DOK5: variants seen among roughly 807,000 people sequenced by gnomAD.
The protein encoded by DOK5 is downstream of tyrosine kinase 5.
A neutral mutation model predicts 43.3 loss-of-function variants in DOK5; 27 were observed. The observed-to-expected ratio is 0.62, with a 90% CI of 0.46 to 0.86. The LOEUF is 0.86. Among genes scored for constraint, DOK5 ranks in the 40% least tolerant of loss-of-function variants. The pLI is 0.00. For synonymous variants in DOK5, 146 were observed against 140.1 expected, an observed-to-expected ratio of 1.04 and a Z score of -0.30; for missense variants, 373 against 392.9, an observed-to-expected ratio of 0.95 and a Z score of 0.43.
At chr20:54,497,816 A>G (rs1568755014) in intron 1 of DOK5, among the ~76,000 whole-genome samples, 1 of 152,078 alleles carries the variant, frequency 6.6e-6, no homozygotes, top group Non-Finnish European at 1.5e-5. Context: ...TTTTGTATTT[A>G]TTTATCTGCT....
At chr20:54,591,568 A>G (rs781058215) in intron 4 of DOK5, 48 bp from the exon 5 acceptor site, 2 of 1,401,170 alleles carry the variant, frequency 1.4e-6, no homozygotes, top group East Asian at 4.9e-5. Flanking sequence ...AATGTCTTTG[A>G]TGTTTTATTC....
chr20:54,483,727 TTG>T (rs1981818910), intron 1 of DOK5, among the ~76,000 whole-genome samples: 1 of 152,154 alleles, frequency 6.6e-6, no homozygotes, highest in Admixed American at 6.5e-5. Context: ...CAAAATAAAA[TTG>T]TGAGTTTAGA....
chr20:54,560,741 C>T (rs1290267059), intron 2 of DOK5, among the ~76,000 whole-genome samples: 2 of 152,198 alleles, frequency 1.3e-5, no homozygotes, highest in Non-Finnish European at 2.9e-5. Flanking sequence ...CTGCTTCAGC[C>T]TCCCAAGTAG....
chr20:54,515,004 T>C (rs1348616616), intron 1 of DOK5, among the ~76,000 whole-genome samples: 2 of 152,010 alleles, frequency 1.3e-5, no homozygotes, highest in Non-Finnish European at 2.9e-5. Flanking sequence ...CTCTGAGATA[T>C]GTATTAGTTA....
chr20:54,568,981 C>T (rs951818687), intron 2 of DOK5, among the ~76,000 whole-genome samples: 1 of 57,218 alleles, frequency 1.7e-5, no homozygotes, highest in Non-Finnish European at 3.4e-5. Context: ...TGGACTAAAA[C>T]GCAAAAAAAA....
chr20:54,617,702 G>T (rs1986858684), intron 6 of DOK5, among the ~76,000 whole-genome samples: 1 of 152,220 alleles, frequency 6.6e-6, no homozygotes. Context: ...CCCACCAGGA[G>T]GATGAGATCA....
At chr20:54,616,304 C>T (rs115430050) in intron 6 of DOK5, among the ~76,000 whole-genome samples, 47 of 152,296 alleles carry the variant, frequency 3.1e-4, no homozygotes, top group East Asian at 2.1e-3. Context: ...CCCCTAGACA[C>T]GTTTTCTTTA....
At chr20:54,477,422 T>C (rs868489759) in intron 1 of DOK5, among the ~76,000 whole-genome samples, 34 of 152,298 alleles carry the variant, frequency 2.2e-4, no homozygotes, top group African/African-American at 7.9e-4. Context: ...TATATACATA[T>C]GTAATTAGGG....
intron 1 of DOK5, among the ~76,000 whole-genome samples, chr20:54,545,138 G>T (rs1289868797): frequency 6.6e-6 from 1 of 152,180 alleles, no homozygotes; most frequent in African/African-American, 2.4e-5. Flanking sequence ...CAAGATGAGG[G>T]CTGATTAGAT....
chr20:54,544,953 C>T (rs1984289271), intron 1 of DOK5, among the ~76,000 whole-genome samples: 2 of 152,198 alleles, frequency 1.3e-5, no homozygotes, highest in South Asian at 4.1e-4. Flanking sequence ...TTTATGCCTA[C>T]ATCTTAGCAG....
chr20:54,521,459 A>G (rs542552844), intron 1 of DOK5, among the ~76,000 whole-genome samples: 7 of 152,224 alleles, frequency 4.6e-5, no homozygotes, highest in South Asian at 4.1e-4. Flanking sequence ...AGAACAACTC[A>G]CAGAACTCAA....
chr20:54,533,457 A>AT lies in DOK5; in HGVS notation c.67-21469dup, dbSNP rs373299079. Among the ~76,000 whole-genome samples the AT allele has an allele frequency of 2.0e-5, 3 of 152,210 alleles. No individual in the cohort carries two copies. The East Asian group carries it at 5.8e-4, about 29-fold the overall frequency. On this transcript the variant is annotated intron_variant, in intron 1 of 7. Transcript: ENST00000262593. ...CATTTCAATAATTTGAAATTTAAAC[A>AT]TTTTTTTCTAACCTATTGTAGTTAA...
At chr20:54,626,781 G>A (rs916055256) in intron 6 of DOK5, among the ~76,000 whole-genome samples, 2 of 152,256 alleles carry the variant, frequency 1.3e-5, no homozygotes, top group African/African-American at 2.4e-5. Context: ...TAGTTTTTCC[G>A]TTCAACAGTA....
rs529716047 is a variant in DOK5, at chr20:54,515,293, A to G, written c.66+39281A>G. 1.2e-4 allele frequency among the ~76,000 whole-genome samples: 18 copies of G among 152,332 alleles called. No homozygotes were observed. The South Asian group carries it at 3.5e-3, about 30-fold the overall frequency. On this transcript the variant is annotated intron_variant, in intron 1 of 7. Coordinates refer to ENST00000262593, the MANE Select transcript of DOK5 (RefSeq NM_018431.5). ...CCTCCCAAAGTGCTGGATTACAGGC[A>G]TGAGCCACCGTGCCCGGCCAGTTAT...
At position 54,475,665 on chromosome 20, in the gene DOK5, A is replaced by G. The variant is rs1487791666; in HGVS notation, c.-282A>G. The G allele has an allele frequency of 3.9e-6, 2 of 512,118 alleles. No individual in the cohort carries two copies. Among genetic ancestry groups the G allele is most frequent in the Non-Finnish European group, 3.5e-6 (1 of 287,132 alleles). 31.7% of individuals were successfully genotyped at this position (512,118 alleles called of 1,614,324 possible). On this transcript the variant is annotated 5_prime_UTR_variant, in exon 1 of 8. Transcript: ENST00000262593. The surrounding 1 kb of genome is among the most constrained non-coding windows in gnomAD (Gnocchi z 4.2). ...AGCCGCCGCCGCTCCTCCTCCTGGC[A>G]GGCCGGCCGCGGAGTCAGCTGACGC...
At chr20:54,582,843 A>G (rs915990334) in intron 2 of DOK5, among the ~76,000 whole-genome samples, 1 of 151,744 alleles carries the variant, frequency 6.6e-6, no homozygotes, top group South Asian at 2.1e-4. Context: ...GGTTTTTCCT[A>G]GTGCTTTTCT....
chr20:54,634,437 C>CTTTTTT lies in DOK5; in HGVS notation c.736-9004_736-8999dup, dbSNP rs11470013. Among the ~76,000 whole-genome samples, 256 of 90,398 alleles carry CTTTTTT rather than the reference C, an allele frequency of 2.8e-3. 16 individuals are homozygous for CTTTTTT. Among genetic ancestry groups the CTTTTTT allele is most frequent in the African/African-American group, 5.1e-3 (87 of 17,160 alleles). The allele number at this position is 90,398 out of a possible 152,430, so 59.3% of individuals were successfully genotyped here. A position where few individuals can be genotyped will look rare whatever the true frequency, so the allele number is the denominator to read the frequency against. The stretch of plus-strand genomic sequence containing the variant: ...CACTCAACTAATTCATCATATCATG[C>CTTTTTT]TTTTTTTTTTTTTTTTTTTTTTGAG... On this transcript the variant is annotated intron_variant, in intron 6 of 7. Coordinates refer to ENST00000262593, the MANE Select transcript of DOK5 (RefSeq NM_018431.5).
chr20:54,619,976 GT>G (rs769052046), intron 6 of DOK5, among the ~76,000 whole-genome samples: 46 of 151,990 alleles, frequency 3.0e-4, no homozygotes, highest in Non-Finnish European at 5.4e-4. Context: ...ACTCTCCCTT[GT>G]ACCTCCCCAC....
chr20:54,514,114 G>A (rs554837527), intron 1 of DOK5, among the ~76,000 whole-genome samples: 4 of 152,182 alleles, frequency 2.6e-5, no homozygotes, highest in Non-Finnish European at 5.9e-5. Flanking sequence ...TGACAAAGTC[G>A]TTGGTACCTC....
Sources: gnomAD v4.1 joint callset for allele counts (sites outside exome capture counted in the v4.1 genomes callset) on GRCh38, gnomAD v4.1.1 for gene constraint, Gnocchi (gnomAD v3.1) non-coding constraint, MANE v1.5 for transcripts, NCBI Gene and HGNC (gene_info 2026-07-23, HGNC 2026-07-21) for gene names.